The following KCNH7 variants were observed in gnomAD, a reference collection of about 807,000 sequenced individuals.
The protein encoded by KCNH7 is voltage-gated inwardly rectifying potassium channel KCNH7.
KCNH7 carries 49 observed loss-of-function variants against 120.8 expected under a neutral mutation model. That is an observed-to-expected ratio of 0.41 (90% CI 0.32 to 0.51). The LOEUF is 0.51. Among genes scored for constraint, KCNH7 ranks in the 20% least tolerant of loss-of-function variants. The probability of loss-of-function intolerance (pLI) is 0.38; values close to 1 mark genes in which losing one functional copy is unlikely to be tolerated. For missense variants in KCNH7, 1,097 were observed against 1,446.6 expected (o/e 0.76, Z 3.92); for synonymous variants, 547 against 516.1 (o/e 1.06, Z -0.81).
At chr2:162,490,298 T>A (rs185202071) in intron 6 of KCNH7, among the ~76,000 whole-genome samples, 2 of 152,346 alleles carry the variant, frequency 1.3e-5, no homozygotes, top group East Asian at 3.9e-4. Flanking sequence ...CCCAGCCCCA[T>A]CAGCTTAGAT....
At chr2:162,779,168 A>G (rs1683376527) in intron 2 of KCNH7, among the ~76,000 whole-genome samples, 1 of 147,112 alleles carries the variant, frequency 6.8e-6, no homozygotes, top group Non-Finnish European at 1.5e-5. Flanking sequence ...ACAGCATTTA[A>G]GCCAGTCTTA....
intron 2 of KCNH7, among the ~76,000 whole-genome samples, chr2:162,827,011 G>A (rs572996092): frequency 4.3e-4 from 65 of 152,166 alleles, no homozygotes; most frequent in Non-Finnish European, 7.8e-4. Context: ...GCTATCTCAG[G>A]AAGAAGAAAC....
At chr2:162,593,104 C>G (rs1694264714) in intron 2 of KCNH7, among the ~76,000 whole-genome samples, 1 of 152,048 alleles carries the variant, frequency 6.6e-6, no homozygotes, top group Non-Finnish European at 1.5e-5. Context: ...AGGTCTCTAT[C>G]ACTTCATAAT....
chr2:162,751,222 A>T (rs912778196), intron 2 of KCNH7, among the ~76,000 whole-genome samples: 1 of 152,188 alleles, frequency 6.6e-6, no homozygotes, highest in Non-Finnish European at 1.5e-5. Context: ...ATTAAAATAA[A>T]AGTAGAAATT....
chr2:162,442,884 GTTC>G (rs1386847343), intron 7 of KCNH7, among the ~76,000 whole-genome samples: 1 of 152,058 alleles, frequency 6.6e-6, no homozygotes, highest in African/African-American at 2.4e-5. Context: ...AATTACGACT[GTTC>G]TTATAATTTG....
intron 2 of KCNH7, among the ~76,000 whole-genome samples, chr2:162,737,800 C>T (rs1687969355): frequency 6.6e-6 from 1 of 152,012 alleles, no homozygotes; most frequent in African/African-American, 2.4e-5. Context: ...TGTGGTAGCT[C>T]ACGCCTGTAA....
At chr2:162,530,225 A>G (rs1558997334) in intron 3 of KCNH7, among the ~76,000 whole-genome samples, 1 of 151,906 alleles carries the variant, frequency 6.6e-6, no homozygotes, top group African/African-American at 2.4e-5. Context: ...TTTATAATCC[A>G]TATTTTCTAC....
intron 7 of KCNH7, among the ~76,000 whole-genome samples, chr2:162,442,432 T>C (rs1335327346): frequency 2.0e-5 from 3 of 152,198 alleles, no homozygotes; most frequent in African/African-American, 4.8e-5. Flanking sequence ...TGATTTTTTT[T>C]CTAGGGTTGA....
intron 2 of KCNH7, among the ~76,000 whole-genome samples, chr2:162,592,780 C>G (rs1694253059): frequency 6.6e-6 from 1 of 151,962 alleles, no homozygotes; most frequent in Non-Finnish European, 1.5e-5. Flanking sequence ...GAAGATTGGC[C>G]TTATCAACTT....
chr2:162,789,091 T>C (rs552249356), intron 2 of KCNH7, among the ~76,000 whole-genome samples: 116 of 151,200 alleles, frequency 7.7e-4, no homozygotes, highest in African/African-American at 2.5e-3. Flanking sequence ...AAACAAAGAC[T>C]GAGGGAGTTA....
chr2:162,424,254 G>A (rs1481830646), intron 8 of KCNH7, among the ~76,000 whole-genome samples: 1 of 152,092 alleles, frequency 6.6e-6, no homozygotes, highest in African/African-American at 2.4e-5. Context: ...TCTATGGGAA[G>A]AAACCGCTAT....
intron 2 of KCNH7, among the ~76,000 whole-genome samples, chr2:162,689,258 C>T (rs933161531): frequency 1.3e-5 from 2 of 152,064 alleles, no homozygotes; most frequent in African/African-American, 4.8e-5. Flanking sequence ...TCAAGCAGTT[C>T]TCCTGTCTCA....
At chr2:162,797,600 T>C (rs1290113364) in intron 2 of KCNH7, 7 of 152,072 alleles carry the variant, frequency 4.6e-5, no homozygotes, top group African/African-American at 1.7e-4. Context: ...TTTGGACTAC[T>C]TTTGGCTTAT....
chr2:162,677,576 T>C (rs1196422020), intron 2 of KCNH7, among the ~76,000 whole-genome samples: 2 of 151,540 alleles, frequency 1.3e-5, no homozygotes, highest in Non-Finnish European at 1.5e-5. Flanking sequence ...GTTTATCTAT[T>C]GTACTCTAGA....
chr2:162,697,365 CCAAT>C (rs2105337306), intron 2 of KCNH7, among the ~76,000 whole-genome samples: 1 of 152,168 alleles, frequency 6.6e-6, no homozygotes, highest in South Asian at 2.1e-4. Context: ...AGTACTTGTG[CCAAT>C]CAACTATAAG....
At chr2:162,375,456 A>G (rs1686130193) in intron 14 of KCNH7, among the ~76,000 whole-genome samples, 1 of 152,210 alleles carries the variant, frequency 6.6e-6, no homozygotes, top group Non-Finnish European at 1.5e-5. Context: ...AGGCTTCAGC[A>G]TCCATACATC....
At chr2:162,512,277 C>T (rs997668752) in intron 5 of KCNH7, among the ~76,000 whole-genome samples, 5 of 151,754 alleles carry the variant, frequency 3.3e-5, no homozygotes, top group Non-Finnish European at 7.4e-5. Flanking sequence ...TCATGTAGCA[C>T]TTTGCTTATT....
intron 10 of KCNH7, 117 bp downstream of exon 10, chr2:162,400,072 C>A (rs1391633130): frequency 2.7e-6 from 3 of 1,104,116 alleles, no homozygotes; most frequent in African/African-American, 1.6e-5. Flanking sequence ...TCAAATTACC[C>A]ACCATCTTAA....
intron 2 of KCNH7, among the ~76,000 whole-genome samples, chr2:162,647,267 G>GT (rs1184121073): frequency 1.3e-5 from 2 of 152,078 alleles, no homozygotes; most frequent in Non-Finnish European, 2.9e-5. Context: ...GCTCTGACGT[G>GT]TTTTTTTGTG....
Sources: gnomAD v4.1 joint callset for allele counts (sites outside exome capture counted in the v4.1 genomes callset) on GRCh38, gnomAD v4.1.1 for gene constraint, MANE v1.5 for transcripts, NCBI Gene and HGNC (gene_info 2026-07-23, HGNC 2026-07-21) for gene names.